The following ERAP1 variants were observed in gnomAD, a reference collection of about 807,000 sequenced individuals.
The protein encoded by ERAP1 is adipocyte-derived leucine aminopeptidase.
In ERAP1, 86 loss-of-function variants were observed where a neutral mutation model predicts 103.7. That is an observed-to-expected ratio of 0.83 (90% confidence interval 0.70 to 0.99). The LOEUF is 0.99. ERAP1 is among the 50% of genes least tolerant of loss of function. The probability of loss-of-function intolerance (pLI) is 0.00; values close to 1 mark genes in which losing one functional copy is unlikely to be tolerated. For missense variants in ERAP1, 1,009 were observed against 1,128.4 expected (o/e 0.89, Z 1.52); for synonymous variants, 398 against 402.4 (o/e 0.99, Z 0.13).
At chr5:96,785,390 TAAG>T in intron 13 of ERAP1, 2 of 284,252 alleles carry the variant, frequency 7.0e-6, no homozygotes, top group South Asian at 3.5e-5. Flanking sequence ...CTTAGTCTTC[TAAG>T]AAGACTTCAA....
the ERAP1 span, among the ~76,000 whole-genome samples, chr5:96,910,554 T>G: frequency 1.3e-5 from 2 of 152,180 alleles, no homozygotes; most frequent in African/African-American, 4.8e-5. Flanking sequence ...GTAAACATCC[T>G]ACTGCCCTAT....
Position 96,776,765 on chromosome 5 carries a change from T to C in ERAP1, c.2671-214A>G. On this transcript the variant is annotated intron_variant, in intron 18 of 18. Transcript: ENST00000443439. The stretch of plus-strand genomic sequence containing the variant: ...CTGTTTTTTGTCTGCAGTTCTTTTG[T>C]TTATTCTCAGTTGCCAGACTTTAAA... 1.0e-5 allele frequency: 6 copies of C among 589,510 alleles called. No homozygotes were observed. In the South Asian group the frequency reaches 1.3e-4, roughly 13 times the overall value. 36.5% of individuals were successfully genotyped at this position (589,510 alleles called of 1,614,324 possible).
chr5:96,773,134 T>A (rs28118), downstream of ERAP1: 1 of 153,894 alleles, frequency 6.5e-6, no homozygotes, highest in East Asian at 1.9e-4. Context: ...GGATAATGTT[T>A]ATAAGTCAAA....
chr5:96,839,632 T>A, the ERAP1 span, among the ~76,000 whole-genome samples: 1 of 152,226 alleles, frequency 6.6e-6, no homozygotes, highest in African/African-American at 2.4e-5. Context: ...GGGCCCCGCA[T>A]GATCATTTTC....
chr5:96,886,483 A>G, the ERAP1 span, among the ~76,000 whole-genome samples: 2 of 152,246 alleles, frequency 1.3e-5, no homozygotes, highest in Non-Finnish European at 2.9e-5. Context: ...GGTAAAAGCA[A>G]TGGAGGTAAG....
the ERAP1 span, among the ~76,000 whole-genome samples, chr5:96,891,359 A>G: frequency 2.3e-4 from 22 of 94,408 alleles, no homozygotes; most frequent in Admixed American, 1.1e-3. Context: ...ATGTGTGTGT[A>G]TATATATATG....
chr5:96,878,437 A>AAT, the ERAP1 span, among the ~76,000 whole-genome samples: 2 of 151,878 alleles, frequency 1.3e-5, no homozygotes, highest in East Asian at 1.9e-4. Context: ...AAGAATATAG[A>AAT]ATATATATAT....
the ERAP1 span, chr5:96,848,788 C>T: frequency 6.6e-6 from 1 of 151,700 alleles, no homozygotes; most frequent in Admixed American, 6.6e-5. Flanking sequence ...TTTTATGAGG[C>T]CAGCATTACC....
the ERAP1 span, chr5:96,814,345 C>T: frequency 2.2e-6 from 1 of 456,128 alleles, no homozygotes; most frequent in Admixed American, 2.3e-5. Context: ...AGAATGAATA[C>T]CAGGAGGCAA....
At chr5:96,891,104 G>T in the ERAP1 span, among the ~76,000 whole-genome samples, 2 of 152,094 alleles carry the variant, frequency 1.3e-5, no homozygotes, top group Non-Finnish European at 2.9e-5. Context: ...GTTTTTGATT[G>T]TGTTATGTAT....
chr5:96,901,391 G>A, the ERAP1 span: 13 of 1,148,276 alleles, frequency 1.1e-5, no homozygotes, highest in African/African-American at 4.6e-5. Flanking sequence ...ATACCAGTCC[G>A]AGTCTTCTGT....
the ERAP1 span, among the ~76,000 whole-genome samples, chr5:96,846,230 C>G: frequency 1.3e-5 from 2 of 152,130 alleles, no homozygotes; most frequent in Non-Finnish European, 2.9e-5. Context: ...CATGATCTAT[C>G]CTACCCACCA....
intron 10 of ERAP1, among the ~76,000 whole-genome samples, chr5:96,789,374 C>G (rs1409760714): frequency 2.0e-5 from 3 of 152,042 alleles, no homozygotes. Flanking sequence ...GTAATCCCGG[C>G]TACCTGGGAG....
In ERAP1 at chr5:96,803,543, C is replaced by T. The variant is rs755948375; in HGVS notation, c.384G>A (p.Gln128=). 1.9e-6 allele frequency: 3 copies of T among 1,613,608 alleles called. No homozygotes were observed. The highest frequency in any genetic ancestry group is 1.7e-4 in the Middle Eastern group (1 of 6,060). ...EPLQVLEHPR[Q]EQIALLAPEP... is the part of the protein sequence containing the mutation. ...CGGGAGCCAGCAGTGCAATTTGCTC[C>T]TGACGGGGGTGTTCCAGGACCTGCA... The change falls in exon 2 of 19, where the codon CAG becomes CAA. Residue 128 remains glutamine (Q), a synonymous_variant. Coordinates refer to ENST00000443439, the MANE Select transcript of ERAP1 (RefSeq NM_001040458.3).
chr5:96,817,926 C>G, the ERAP1 span, among the ~76,000 whole-genome samples: 1 of 152,186 alleles, frequency 6.6e-6, no homozygotes, highest in Admixed American at 6.5e-5. Flanking sequence ...TTTCCCGACT[C>G]TGCAGTGGTG....
At chr5:96,905,619 C>T in the ERAP1 span, among the ~76,000 whole-genome samples, 3 of 152,190 alleles carry the variant, frequency 2.0e-5, no homozygotes, top group Admixed American at 2.0e-4. Flanking sequence ...CACAGTGGCT[C>T]ATGCCTGTAA....
chr5:96,887,607 A>G, the ERAP1 span, among the ~76,000 whole-genome samples: 421 of 152,176 alleles, frequency 2.8e-3, 5 homozygotes, highest in African/African-American at 9.5e-3. Context: ...ACAGTTTCCA[A>G]CTGTTTTTTA....
chr5:96,808,518 C>G (rs1351528143), upstream of ERAP1, among the ~76,000 whole-genome samples: 1 of 151,898 alleles, frequency 6.6e-6, no homozygotes, highest in East Asian at 1.9e-4. Flanking sequence ...GGCAAAGTGC[C>G]GCACCTTCTG....
At chr5:96,925,494 T>C in the ERAP1 span, among the ~76,000 whole-genome samples, 1 of 152,210 alleles carries the variant, frequency 6.6e-6, no homozygotes, top group African/African-American at 2.4e-5. Flanking sequence ...CACTGCTCCT[T>C]ATTTACCCTA....
Sources: allele counts gnomAD v4.1 joint callset (sites outside exome capture counted in the v4.1 genomes callset), GRCh38; gene constraint gnomAD v4.1.1; transcripts MANE v1.5; gene names NCBI Gene and HGNC (gene_info 2026-07-23, HGNC 2026-07-21).